HYOU1: variants seen among roughly 807,000 people sequenced by gnomAD.
HYOU1 encodes the protein hypoxia up-regulated protein 1.
In HYOU1, 40 loss-of-function variants were observed where a neutral mutation model predicts 120.5. The ratio of observed to expected loss-of-function variants is 0.33; its 90% CI spans 0.26 to 0.43. The LOEUF is 0.43. Ranked by LOEUF, HYOU1 falls within the 20% of genes least tolerant of loss-of-function variation. The probability of loss-of-function intolerance (pLI) is 1.00; values close to 1 mark genes in which losing one functional copy is unlikely to be tolerated. For synonymous variants in HYOU1, 501 were observed against 479.4 expected (o/e 1.05, Z -0.59); for missense variants, 1,085 against 1,278.3 (o/e 0.85, Z 2.31).
At chr11:119,047,850 G>A (rs1436760812) in intron 21 of HYOU1, 32 bp from the exon 22 acceptor site, 3 of 1,612,614 alleles carry the variant, frequency 1.9e-6, no homozygotes, top group African/African-American at 1.3e-5. Flanking sequence ...ATTAGCCCCA[G>A]AGGGAGAGGG....
rs782613468 is a variant in HYOU1 at position 119,045,664 on chromosome 11, G to A, written c.2939-10C>T. ...TCTTTCTGTTCAGGTTCTGTTGGGA[G>A]TTTGGGGGAGCAAAGGAATCACCGC... is the stretch of plus-strand genomic sequence containing the variant. On this transcript the variant is annotated splice_polypyrimidine_tract_variant and intron_variant, in intron 25 of 25. Coordinates refer to ENST00000617285, the MANE Select transcript of HYOU1 (RefSeq NM_006389.5). 1 of 1,614,196 alleles carries A rather than the reference G, an allele frequency of 6.2e-7. No homozygotes were observed. The highest frequency in any genetic ancestry group is 2.2e-5 in the East Asian group (1 of 44,880).
Position 119,055,887 on chromosome 11 carries a change from C to T in HYOU1, c.92-44G>A. ...TGTCAGTTAGCTCTCCCTTCGCCCA[C>T]CTTCCTGGGACTCCCTCTAATCAAA... On this transcript the variant is annotated intron_variant, in intron 2 of 25. Transcript: ENST00000617285. The surrounding 1 kb of genome is among the most constrained non-coding windows in gnomAD (Gnocchi z 4.0). The T allele has an allele frequency of 6.5e-7, 1 of 1,538,370 alleles. No individual in the cohort carries two copies. The highest frequency in any genetic ancestry group is 9.0e-7 in the Non-Finnish European group (1 of 1,111,086).
Position 119,052,149 on chromosome 11 carries a change from C to T in HYOU1, c.1146G>A (p.Leu382=), listed in dbSNP as rs1944483329. ...TGGGGACCCGAGTGGCCCCACCCAC[C>T]AGGATCACCTGCTCAATCTCATCCT... ...MSLDEIEQVI[L]VGGATRVPRV... is the part of the protein sequence containing the mutation. Residue 382 remains leucine (L), a synonymous_variant, in exon 11 of 26, where the codon CTG becomes CTA. Transcript: ENST00000617285. The surrounding 1 kb of genome is among the most constrained non-coding windows in gnomAD (Gnocchi z 5.0). 6.2e-7 allele frequency: 1 copy of T among 1,614,090 alleles called. No individual in the cohort carries two copies. The highest frequency in any genetic ancestry group is 1.3e-5 in the African/African-American group (1 of 74,946).
Position 119,045,379 on chromosome 11 carries a change from G to A in HYOU1, c.*214C>T. On this transcript the variant is annotated 3_prime_UTR_variant, in exon 26 of 26. Transcript: ENST00000617285. The stretch of plus-strand genomic sequence containing the variant: ...GTAGGGAACAGGGAGTGGGGCTGGG[G>A]AGGAGAACAGTTTCCATTTTTAACC... The A allele has an allele frequency of 1.4e-6, 1 of 692,996 alleles. No individual in the cohort carries two copies. Among genetic ancestry groups the A allele is most frequent in the Non-Finnish European group, 2.6e-6 (1 of 380,150 alleles). The allele number at this position is 692,996 out of a possible 1,614,324, so 42.9% of individuals were successfully genotyped here.
At position 119,048,884 on chromosome 11, in the gene HYOU1, T is replaced by C. The variant is rs2133568185; in HGVS notation, c.1995A>G (p.Lys665=). The change falls in exon 18 of 26, where the codon AAA becomes AAG. Residue 665 remains lysine, a splice_region_variant and synonymous_variant. Coordinates refer to ENST00000617285, the MANE Select transcript of HYOU1 (RefSeq NM_006389.5). This position sits in a 1 kb window ranked among gnomAD's most constrained non-coding sequence, Gnocchi z 4.7. ...KENGDKSEAQ[K]PSEKAEAGPE... is the part of the protein sequence containing the mutation. ...GCCCTGCCTCTGCCTTCTCACTTGG[T>C]TTCTGGGTGGGAAGAGTCAGGGGTG... The C allele has an allele frequency of 6.2e-7, 1 of 1,605,590 alleles. No homozygotes were observed. The highest frequency in any genetic ancestry group is 1.3e-5 in the African/African-American group (1 of 74,388).
chr11:119,056,398 C>T (rs1944766821), intron 1 of HYOU1: 2 of 622,294 alleles, frequency 3.2e-6, no homozygotes, highest in African/African-American at 1.8e-5. Context: ...CTCGGCTTTG[C>T]CACATCCCTA....
chr11:119,056,707 C>G, intron 1 of HYOU1: 1 of 268,128 alleles, frequency 3.7e-6, no homozygotes, highest in South Asian at 3.6e-5. Context: ...TTTCCCAGCT[C>G]ACTCCCCGGC....
Position 119,056,135 on chromosome 11 carries a change from C to T in HYOU1, c.26G>A (p.Arg9Lys). The change falls in exon 2 of 26, where the codon AGG becomes AAG. Residue 9 changes from arginine to lysine, a missense_variant. Around this residue, in one of 4 missense-constraint regions of HYOU1, gnomAD observed 45 missense variants for 49.2 expected, o/e 0.91. Coordinates refer to ENST00000617285, the MANE Select transcript of HYOU1 (RefSeq NM_006389.5). The part of the protein sequence containing the change: MADKVRRQ[R>K]PRRRVCWALV... ...GGCCCAACAGACTCGCCTCCTCGGC[C>T]TCTGCCTCCTAACTTTGTCTGCCAT... 1 of 1,614,008 alleles carries T rather than the reference C, an allele frequency of 6.2e-7. No individual in the cohort carries two copies. The highest frequency in any genetic ancestry group is 8.5e-7 in the Non-Finnish European group (1 of 1,180,010).
chr11:119,049,927 C>T, intron 14 of HYOU1, 90 bp from the exon 15 acceptor site: 2 of 1,148,072 alleles, frequency 1.7e-6, no homozygotes. Flanking sequence ...CTTATGCACA[C>T]TCCATGCCGT....
Position 119,055,215 on chromosome 11 carries a change from T to C in HYOU1, c.389A>G (p.Gln130Arg), listed in dbSNP as rs2133611223. 3.1e-6 allele frequency: 5 copies of C among 1,614,166 alleles called. No individual in the cohort carries two copies. The Admixed American group carries it at 5.0e-5, about 16-fold the overall frequency. The stretch of plus-strand genomic sequence containing the variant: ...GATCTGAAAGTGCACAGTCTGCCTC[T>C]GTGGGTCGAAAGTCAGCTCGTGCTC... ...FPEHELTFDP[Q>R]RQTVHFQISS... Residue 130 changes from glutamine to arginine, a missense_variant, in exon 5 of 26, where the codon CAG (glutamine) becomes CGG (arginine). Gln to Arg is a conservative substitution (Grantham distance 43). Around this residue, in one of 4 missense-constraint regions of HYOU1, gnomAD observed 515 missense variants for 677.8 expected, o/e 0.76. Coordinates refer to ENST00000617285, the MANE Select transcript of HYOU1 (RefSeq NM_006389.5). The surrounding 1 kb of genome is among the most constrained non-coding windows in gnomAD (Gnocchi z 4.0).
intron 24 of HYOU1, among the ~76,000 whole-genome samples, chr11:119,046,167 T>C (rs1029817167): frequency 6.6e-6 from 1 of 152,082 alleles, no homozygotes; most frequent in Non-Finnish European, 1.5e-5. Flanking sequence ...GGTTTCACCA[T>C]GTTGGCCAGG....
chr11:119,051,535 G>T lies in HYOU1; in HGVS notation c.1429C>A (p.Pro477Thr). The T allele has an allele frequency of 6.2e-7, 1 of 1,614,112 alleles. No individual in the cohort carries two copies. The highest frequency in any genetic ancestry group is 8.5e-7 in the Non-Finnish European group (1 of 1,180,014). Residue 477 changes from proline (P) to threonine (T), a missense_variant, in exon 13 of 26, where the codon CCT (proline) becomes ACT (threonine). By Grantham distance (38) the Pro-to-Thr change is conservative. Around this residue, in one of 4 missense-constraint regions of HYOU1, gnomAD observed 515 missense variants for 677.8 expected, o/e 0.76. Coordinates refer to ENST00000617285, the MANE Select transcript of HYOU1 (RefSeq NM_006389.5). This position sits in a 1 kb window ranked among gnomAD's most constrained non-coding sequence, Gnocchi z 4.2. ...TTAAAGGTGATGACTTTGCGTTGAG[G>T]GTAGGGCCCCATCCGAGAGAAGAGT... is the stretch of plus-strand genomic sequence containing the variant. The part of the protein sequence containing the change: ...RVLFSRMGPY[P>T]QRKVITFNRY...
At chr11:119,046,023 G>A (rs2133546802) in intron 24 of HYOU1, among the ~76,000 whole-genome samples, 192 bp from the exon 25 acceptor site, 9 of 152,236 alleles carry the variant, frequency 5.9e-5, no homozygotes, top group South Asian at 2.1e-4. Flanking sequence ...GTGCAGTGGC[G>A]CCATCTTGGC....
In HYOU1 at chr11:119,047,740, C is replaced by T; in HGVS notation, c.2589G>A (p.Glu863=). The T allele has an allele frequency of 6.2e-7, 1 of 1,612,792 alleles. No individual in the cohort carries two copies. Among genetic ancestry groups the T allele is most frequent in the Non-Finnish European group, 8.5e-7 (1 of 1,178,770 alleles). The change falls in exon 22 of 26, where the codon GAG becomes GAA. Residue 863 remains glutamate, a synonymous_variant. Coordinates refer to ENST00000617285, the MANE Select transcript of HYOU1 (RefSeq NM_006389.5). ...EMTTLEKVIN[E]TWAWKNATLA... ...GTATTTACGAAGTGATTACCCAGGT[C>T]TCATTGATGACTTTCTCTAACGTTG...
intron 25 of HYOU1, 57 bp from the exon 26 acceptor site, chr11:119,045,711 C>T: frequency 1.2e-6 from 2 of 1,613,144 alleles, no homozygotes; most frequent in Non-Finnish European, 1.7e-6. Flanking sequence ...AGGAACCAAC[C>T]CCAGTTCTTT....
Position 119,047,836 on chromosome 11 carries a change from G to C in HYOU1, c.2511-18C>G. ...GGGCCCCCCTGGAAGCCAGAAAGGA[G>C]ACCATTAGCCCCAGAGGGAGAGGGG... On this transcript the variant is annotated intron_variant, in intron 21 of 25. Coordinates refer to ENST00000617285, the MANE Select transcript of HYOU1 (RefSeq NM_006389.5). 1 of 1,613,524 alleles carries C rather than the reference G, an allele frequency of 6.2e-7. No homozygotes were observed. The highest frequency in any genetic ancestry group is 1.3e-5 in the African/African-American group (1 of 75,044).
At position 119,055,137 on chromosome 11, in the gene HYOU1, G is replaced by T. The variant is rs2133610233; in HGVS notation, c.419+48C>A. On this transcript the variant is annotated intron_variant, in intron 5 of 25. Transcript: ENST00000617285. The surrounding 1 kb of genome is among the most constrained non-coding windows in gnomAD (Gnocchi z 4.0). ...GACAATCAGGAACACACACCAATGA[G>T]GAGCCCAGCAGCGTTGCCGAGACCA... The T allele has an allele frequency of 3.1e-6, 5 of 1,612,718 alleles. No homozygotes were observed. The highest frequency in any genetic ancestry group is 4.2e-6 in the Non-Finnish European group (5 of 1,179,142).
rs1333829430 is a variant in HYOU1 at position 119,051,457 on chromosome 11, G to A, written c.1507C>T (p.Leu503=). Residue 503 remains leucine (L), a synonymous_variant, in exon 13 of 26, where the codon CTG becomes TTG. Coordinates refer to ENST00000617285, the MANE Select transcript of HYOU1 (RefSeq NM_006389.5). This position sits in a 1 kb window ranked among gnomAD's most constrained non-coding sequence, Gnocchi z 4.2. ...CCTCACCGAAGATCTTCAGGCCCCA[G>A]GAAGCCCAGGTCGCCGTAGTTGATG... The part of the protein sequence containing the change: ...FHINYGDLGF[L]GPEDLRVFGS... 4 of 1,614,124 alleles carry A rather than the reference G, an allele frequency of 2.5e-6. No homozygotes were observed. Among genetic ancestry groups the A allele is most frequent in the Admixed American group, 1.7e-5 (1 of 60,022 alleles).
At position 119,052,725 on chromosome 11, in the gene HYOU1, C is replaced by T. The variant is rs2133595090; in HGVS notation, c.899G>A (p.Arg300Gln). 11 of 1,614,072 alleles carry T rather than the reference C, an allele frequency of 6.8e-6. No individual in the cohort carries two copies. The highest frequency in any genetic ancestry group is 9.3e-6 in the Non-Finnish European group (11 of 1,180,030). ...CTTGGCCATGGCACGCGGGTTCTCC[C>T]GCACATCCTTTGCTCTCTGACCCTT... ...QRKGQRAKDV[R>Q]ENPRAMAKLL... The change falls in exon 9 of 26, where the codon CGG (arginine) becomes CAG (glutamine). Residue 300 changes from arginine (R) to glutamine (Q), a missense_variant. Around this residue, in one of 4 missense-constraint regions of HYOU1, gnomAD observed 515 missense variants for 677.8 expected, o/e 0.76. Coordinates refer to ENST00000617285, the MANE Select transcript of HYOU1 (RefSeq NM_006389.5). This position sits in a 1 kb window ranked among gnomAD's most constrained non-coding sequence, Gnocchi z 5.0.
Sources: gnomAD v4.1 joint callset for allele counts (sites outside exome capture counted in the v4.1 genomes callset) on GRCh38, gnomAD v4.1.1 for gene constraint, gnomAD v4.1.1 regional missense constraint, Gnocchi (gnomAD v3.1) non-coding constraint, MANE v1.5 for transcripts, NCBI Gene and HGNC (gene_info 2026-07-23, HGNC 2026-07-21) for gene names.